NEMP2: variants seen among roughly 807,000 people sequenced by gnomAD.
NEMP2 encodes the protein UPF0571 transmembrane protein.
NEMP2 carries 53 observed loss-of-function variants against 54.2 expected under a neutral mutation model. The observed-to-expected ratio is 0.98, with a 90% CI of 0.78 to 1.23. NEMP2 has a LOEUF of 1.23. Ranked by LOEUF, NEMP2 falls within the 50% of genes most tolerant of loss-of-function variation. The probability of loss-of-function intolerance (pLI) is 0.00; values close to 1 mark genes in which losing one functional copy is unlikely to be tolerated. For missense variants in NEMP2, 455 were observed against 511.3 expected, an observed-to-expected ratio of 0.89 and a Z score of 1.06; for synonymous variants, 197 against 190.3, an observed-to-expected ratio of 1.04 and a Z score of -0.29.
chr2:190,582,860 CT>C, the NEMP2 span, among the ~76,000 whole-genome samples: 1 of 152,196 alleles, frequency 6.6e-6, no homozygotes, highest in Non-Finnish European at 1.5e-5. This position sits in a 1 kb window ranked among gnomAD's most constrained non-coding sequence, Gnocchi z 4.6. Context: ...CAGATCCTCA[CT>C]TTTTCCTCAA....
chr2:190,644,765 G>C, the NEMP2 span, among the ~76,000 whole-genome samples: 2 of 152,128 alleles, frequency 1.3e-5, no homozygotes, highest in African/African-American at 4.8e-5. The surrounding 1 kb of genome is among the most constrained non-coding windows in gnomAD (Gnocchi z 4.4). Flanking sequence ...GTGGGAGGAC[G>C]GAGAGAGGCA....
the NEMP2 span, among the ~76,000 whole-genome samples, chr2:190,480,592 A>G: frequency 1.3e-5 from 2 of 152,218 alleles, no homozygotes; most frequent in Non-Finnish European, 2.9e-5. Context: ...ACCTCACTCT[A>G]TAAGTTAGCT....
the NEMP2 span, among the ~76,000 whole-genome samples, chr2:190,617,951 A>G: frequency 2.6e-5 from 4 of 152,158 alleles, no homozygotes; most frequent in African/African-American, 9.7e-5. The surrounding 1 kb of genome is among the most constrained non-coding windows in gnomAD (Gnocchi z 5.0). Flanking sequence ...GGCTTTTACT[A>G]TGACATTAGC....
At chr2:190,437,148 C>T in the NEMP2 span, 13 of 1,614,146 alleles carry the variant, frequency 8.1e-6, no homozygotes, top group South Asian at 2.2e-5. This position sits in a 1 kb window ranked among gnomAD's most constrained non-coding sequence, Gnocchi z 5.9. Flanking sequence ...TCGTCTTCAT[C>T]GTCTTCGGCG....
the NEMP2 span, among the ~76,000 whole-genome samples, chr2:190,633,546 T>G: frequency 3.0e-4 from 45 of 152,156 alleles, no homozygotes; most frequent in Non-Finnish European, 5.1e-4. Flanking sequence ...ACTCCTGACC[T>G]CAGGTGATCC....
the NEMP2 span, among the ~76,000 whole-genome samples, chr2:190,621,639 A>C: frequency 2.6e-5 from 4 of 152,162 alleles, no homozygotes; most frequent in African/African-American, 7.2e-5. Flanking sequence ...CCCTATTTCA[A>C]AATTTACTAC....
At chr2:190,546,116 C>T in the NEMP2 span, among the ~76,000 whole-genome samples, 43 of 152,140 alleles carry the variant, frequency 2.8e-4, 1 homozygote, top group East Asian at 7.3e-3. This position sits in a 1 kb window ranked among gnomAD's most constrained non-coding sequence, Gnocchi z 5.1. Flanking sequence ...CAAAAGAAAC[C>T]GTGGAAAGTG....
At chr2:190,545,801 T>C in the NEMP2 span, among the ~76,000 whole-genome samples, 1 of 152,212 alleles carries the variant, frequency 6.6e-6, no homozygotes, top group Admixed American at 6.5e-5. Flanking sequence ...TCTTTCTTTT[T>C]CTTTTTTAAA....
At chr2:190,589,505 T>G in the NEMP2 span, among the ~76,000 whole-genome samples, 1 of 152,148 alleles carries the variant, frequency 6.6e-6, no homozygotes, top group Non-Finnish European at 1.5e-5. The surrounding 1 kb of genome is among the most constrained non-coding windows in gnomAD (Gnocchi z 4.3). Context: ...CCAGTAAGAT[T>G]GGTACCTATT....
the NEMP2 span, among the ~76,000 whole-genome samples, chr2:190,483,798 G>T: frequency 7.4e-6 from 1 of 134,512 alleles, no homozygotes; most frequent in Non-Finnish European, 1.5e-5. Flanking sequence ...TCACGCCATT[G>T]CACTCCAGCC....
At chr2:190,468,557 G>A in the NEMP2 span, among the ~76,000 whole-genome samples, 5 of 151,092 alleles carry the variant, frequency 3.3e-5, no homozygotes, top group African/African-American at 1.2e-4. Flanking sequence ...GGCTCAAGCA[G>A]TCCTCCTACC....
the NEMP2 span, among the ~76,000 whole-genome samples, chr2:190,631,864 T>TG: frequency 6.6e-6 from 1 of 152,116 alleles, no homozygotes; most frequent in Non-Finnish European, 1.5e-5. Flanking sequence ...GAGACCAGCC[T>TG]GGGCAACATG....
In NEMP2 at chr2:190,533,756, T is replaced by TAA. The variant is rs1448090434; in HGVS notation, c.97+801_97+802dup. 4.1e-5 allele frequency among the ~76,000 whole-genome samples: 6 copies of TAA among 147,462 alleles called. No individual in the cohort carries two copies. In the Admixed American group the frequency reaches 4.2e-4, roughly 10 times the overall value. On this transcript the variant is annotated intron_variant, in intron 1 of 8. Coordinates refer to ENST00000409150, the MANE Select transcript of NEMP2 (RefSeq NM_001142645.2). The surrounding 1 kb of genome is among the most constrained non-coding windows in gnomAD (Gnocchi z 4.3). ...TAGACAGTGCACCCAGGAAATCTTT[T>TAA]AAAAGATTTTATGAGGGGAAAAAAA... is the stretch of plus-strand genomic sequence containing the variant.
the NEMP2 span, among the ~76,000 whole-genome samples, chr2:190,428,792 C>G: frequency 6.6e-6 from 1 of 152,046 alleles, no homozygotes; most frequent in Non-Finnish European, 1.5e-5. Context: ...CCTGCCTCAG[C>G]CCCCCGAGTA....
chr2:190,594,003 A>G, the NEMP2 span, among the ~76,000 whole-genome samples: 10 of 152,102 alleles, frequency 6.6e-5, no homozygotes, highest in Non-Finnish European at 1.5e-4. This position sits in a 1 kb window ranked among gnomAD's most constrained non-coding sequence, Gnocchi z 5.6. Flanking sequence ...ATGACTTCTC[A>G]TGTGATGAGA....
At chr2:190,554,989 G>A in the NEMP2 span, among the ~76,000 whole-genome samples, 5 of 152,222 alleles carry the variant, frequency 3.3e-5, no homozygotes, top group Admixed American at 1.3e-4. This position sits in a 1 kb window ranked among gnomAD's most constrained non-coding sequence, Gnocchi z 5.7. Context: ...CTGTTCTGCA[G>A]CCTCTGCTGG....
At chr2:190,597,118 G>A in the NEMP2 span, among the ~76,000 whole-genome samples, 1 of 151,956 alleles carries the variant, frequency 6.6e-6, no homozygotes, top group African/African-American at 2.4e-5. This position sits in a 1 kb window ranked among gnomAD's most constrained non-coding sequence, Gnocchi z 4.7. Context: ...TTTCTAATTA[G>A]TTGGGTGTGG....
the NEMP2 span, among the ~76,000 whole-genome samples, chr2:190,491,348 C>T: frequency 2.0e-5 from 3 of 152,282 alleles, no homozygotes; most frequent in East Asian, 1.9e-4. The surrounding 1 kb of genome is among the most constrained non-coding windows in gnomAD (Gnocchi z 4.2). Flanking sequence ...AGAACTACTG[C>T]AGGAATATAC....
chr2:190,647,710 C>CTTTTTTTTTTTTTTTTT, the NEMP2 span, among the ~76,000 whole-genome samples: 14 of 102,362 alleles, frequency 1.4e-4, no homozygotes, highest in South Asian at 3.3e-4. Flanking sequence ...TCTTCTTCTT[C>CTTTTTTTTTTTTTTTTT]TTTTTTTTTT....
Sources: gnomAD v4.1 joint callset for allele counts (sites outside exome capture counted in the v4.1 genomes callset) on GRCh38, gnomAD v4.1.1 for gene constraint, Gnocchi (gnomAD v3.1) non-coding constraint, MANE v1.5 for transcripts, NCBI Gene and HGNC (gene_info 2026-07-23, HGNC 2026-07-21) for gene names.